The following AGBL1 variants were observed in gnomAD, a reference collection of about 807,000 sequenced individuals.
AGBL1 encodes cytosolic carboxypeptidase 4.
In AGBL1, 130 loss-of-function variants were observed where a neutral mutation model predicts 118.9. That is an observed-to-expected ratio of 1.09 (90% CI 0.95 to 1.26). The LOEUF is 1.26. Ranked by LOEUF, AGBL1 falls within the 50% of genes most tolerant of loss-of-function variation. The probability of loss-of-function intolerance (pLI) is 0.00; values close to 1 mark genes in which losing one functional copy is unlikely to be tolerated. For missense variants in AGBL1, 1,584 were observed against 1,298.1 expected (o/e 1.22, Z -3.38); for synonymous variants, 555 against 478.9 (o/e 1.16, Z -2.08).
intron 1 of AGBL1, among the ~76,000 whole-genome samples, chr15:86,113,287 CTTTTTTTTT>C (rs548790563): frequency 1.0e-5 from 1 of 97,380 alleles, no homozygotes; most frequent in South Asian, 3.2e-4. Context: ...TTCTTTCTTT[CTTTTTTTTT>C]TTTTTTTTGG....
intron 18 of AGBL1, among the ~76,000 whole-genome samples, chr15:86,515,797 G>T (rs2083113600): frequency 6.6e-6 from 1 of 152,214 alleles, no homozygotes; most frequent in Non-Finnish European, 1.5e-5. Flanking sequence ...AAAAGTATCT[G>T]AGACAGATCT....
intron 22 of AGBL1, among the ~76,000 whole-genome samples, chr15:86,742,816 T>G (rs963044090): frequency 6.6e-6 from 1 of 152,288 alleles, no homozygotes; most frequent in East Asian, 1.9e-4. Context: ...CTCTCTGCTT[T>G]GGTCTGTTAG....
At chr15:86,224,131 A>T (rs2078321808) in intron 5 of AGBL1, among the ~76,000 whole-genome samples, 1 of 152,046 alleles carries the variant, frequency 6.6e-6, no homozygotes, top group Non-Finnish European at 1.5e-5. Context: ...GGCCACACAG[A>T]ATCTTCTATT....
At chr15:86,776,314 C>T (rs568289809) in intron 22 of AGBL1, among the ~76,000 whole-genome samples, 2 of 152,052 alleles carry the variant, frequency 1.3e-5, no homozygotes, top group African/African-American at 2.4e-5. Flanking sequence ...ACTTCCTCAT[C>T]GTAACTTGGT....
At chr15:86,084,833 T>TATCCATCCATCC (rs770780218) in intron 1 of AGBL1, among the ~76,000 whole-genome samples, 3 of 152,316 alleles carry the variant, frequency 2.0e-5, no homozygotes, top group East Asian at 3.9e-4. Flanking sequence ...CCCATTCATT[T>TATCCATCCATCC]ATCCATCCAT....
chr15:86,266,815 C>A (rs192047286), intron 12 of AGBL1, among the ~76,000 whole-genome samples, 175 bp from the exon 13 acceptor site: 2 of 152,116 alleles, frequency 1.3e-5, no homozygotes, highest in African/African-American at 4.8e-5. Context: ...GCAGGAGAAG[C>A]GCTTGAACCT....
intron 24 of AGBL1, among the ~76,000 whole-genome samples, chr15:86,996,720 CT>C (rs2081383774): frequency 6.6e-6 from 1 of 152,156 alleles, no homozygotes; most frequent in African/African-American, 2.4e-5. Context: ...CACATTAGAT[CT>C]GTTTGCCATC....
intron 22 of AGBL1, among the ~76,000 whole-genome samples, chr15:86,693,195 A>T (rs1218079941): frequency 6.6e-6 from 1 of 152,094 alleles, no homozygotes; most frequent in East Asian, 1.9e-4. Flanking sequence ...ACTGTTTTCC[A>T]TAGTCGTTGT....
At chr15:86,271,106 A>G (rs949712961) in intron 14 of AGBL1, among the ~76,000 whole-genome samples, 1 of 124,732 alleles carries the variant, frequency 8.0e-6, no homozygotes, top group African/African-American at 3.2e-5. Flanking sequence ...GCTGGAGTGC[A>G]GTGGTGTGAT....
intron 17 of AGBL1, among the ~76,000 whole-genome samples, chr15:86,366,643 T>A (rs1406920437): frequency 6.6e-6 from 1 of 152,204 alleles, no homozygotes; most frequent in Non-Finnish European, 1.5e-5. Flanking sequence ...TTGTTCAGTC[T>A]CTGAACTACT....
chr15:86,087,970 T>A (rs1597376755), intron 1 of AGBL1: 1 of 152,290 alleles, frequency 6.6e-6, no homozygotes, highest in Admixed American at 6.5e-5. Context: ...GCAGAACAGG[T>A]GCCCAGAACA....
intron 18 of AGBL1, among the ~76,000 whole-genome samples, chr15:86,472,692 G>T (rs1464917035): frequency 6.6e-6 from 1 of 152,230 alleles, no homozygotes; most frequent in Non-Finnish European, 1.5e-5. Flanking sequence ...GCTGAGATGG[G>T]TGGATCACCT....
At chr15:86,919,611 CA>C (rs2080464743), downstream of AGBL1, among the ~76,000 whole-genome samples, 1 of 148,676 alleles carries the variant, frequency 6.7e-6, no homozygotes, top group African/African-American at 2.5e-5. Context: ...CACACACACA[CA>C]CCCGACTACC....
intron 23 of AGBL1, among the ~76,000 whole-genome samples, chr15:86,942,422 A>G (rs2080764273): frequency 6.6e-6 from 1 of 152,172 alleles, no homozygotes; most frequent in Non-Finnish European, 1.5e-5. Flanking sequence ...GAATTGTTTC[A>G]GTAAAAGATA....
chr15:86,393,758 T>C (rs1567233763), intron 17 of AGBL1, among the ~76,000 whole-genome samples: 1 of 152,156 alleles, frequency 6.6e-6, no homozygotes, highest in Non-Finnish European at 1.5e-5. Context: ...TGCTATGGAC[T>C]GAATATGTAT....
At chr15:86,094,535 A>C (rs1378636350) in intron 1 of AGBL1, among the ~76,000 whole-genome samples, 1 of 152,078 alleles carries the variant, frequency 6.6e-6, no homozygotes, top group Non-Finnish European at 1.5e-5. Flanking sequence ...TCATGAAGGA[A>C]GTAGGATTGG....
At chr15:86,528,398 AC>A (rs1456295487) in intron 19 of AGBL1, among the ~76,000 whole-genome samples, 1 of 152,160 alleles carries the variant, frequency 6.6e-6, no homozygotes, top group Non-Finnish European at 1.5e-5. Flanking sequence ...CGCTTTTCAG[AC>A]CTGCTTAAAA....
intron 18 of AGBL1, among the ~76,000 whole-genome samples, chr15:86,427,439 C>T (rs1354718577): frequency 2.0e-5 from 3 of 151,758 alleles, no homozygotes; most frequent in African/African-American, 7.3e-5. Context: ...ATGACATTTC[C>T]AGCTTTATGT....
chr15:86,372,454 C>G (rs941570749), intron 17 of AGBL1, among the ~76,000 whole-genome samples: 1 of 152,162 alleles, frequency 6.6e-6, no homozygotes, highest in Non-Finnish European at 1.5e-5. Context: ...TTCTACCCAT[C>G]ATTTCCTCCC....
Sources: gnomAD v4.1 joint callset for allele counts (sites outside exome capture counted in the v4.1 genomes callset) on GRCh38, gnomAD v4.1.1 for gene constraint, MANE v1.5 for transcripts, NCBI Gene and HGNC (gene_info 2026-07-23, HGNC 2026-07-21) for gene names.